Variants in CLEC16A observed in about 807,000 individuals in gnomAD.
The protein encoded by CLEC16A is protein CLEC16A.
A neutral mutation model predicts 109.5 loss-of-function variants in CLEC16A; 51 were observed. The ratio of observed to expected loss-of-function variants is 0.47; its 90% CI spans 0.37 to 0.59. The LOEUF is 0.59. Ranked by LOEUF, CLEC16A falls within the 20% of genes least tolerant of loss-of-function variation. The pLI, the probability that CLEC16A is intolerant of heterozygous loss-of-function variation, is 0.00. For missense variants in CLEC16A, 1,339 were observed against 1,394.0 expected (o/e 0.96, Z 0.63); for synonymous variants, 673 against 564.2 (o/e 1.19, Z -2.73).
chr16:11,161,311 T>C (rs940429378), intron 22 of CLEC16A, among the ~76,000 whole-genome samples: 1 of 152,006 alleles, frequency 6.6e-6, no homozygotes, highest in East Asian at 1.9e-4. Flanking sequence ...GGGGAGAGAA[T>C]AGTTAACCCT....
At chr16:11,053,681 G>T (rs751819445) in intron 18 of CLEC16A, among the ~76,000 whole-genome samples, 15 of 152,298 alleles carry the variant, frequency 9.8e-5, no homozygotes, top group Non-Finnish European at 1.9e-4. Context: ...CACAGGGGAA[G>T]AAATTGATGC....
chr16:11,021,850 T>A (rs905630774), intron 12 of CLEC16A, among the ~76,000 whole-genome samples: 6 of 152,118 alleles, frequency 3.9e-5, no homozygotes, highest in African/African-American at 1.4e-4. Context: ...TTCAGTTCCT[T>A]AGGGTTTGAT....
rs184979458 is a variant in CLEC16A, at chr16:11,168,155, A to G, written c.2806+1603A>G. 1.3e-3 allele frequency among the ~76,000 whole-genome samples: 193 copies of G among 152,316 alleles called. 2 individuals are homozygous for G. The highest frequency in any genetic ancestry group is 4.3e-3 in the African/African-American group (179 of 41,574). ...AAAATGATCAAAAATGGGCTTCTGT[A>G]TATGGATGTCTACCTGAATGTGACC... On this transcript the variant is annotated intron_variant, in intron 23 of 23. Transcript: ENST00000409790.
chr16:11,044,095 A>G (rs2047500068), intron 16 of CLEC16A, 23 bp downstream of exon 16: 3 of 1,598,272 alleles, frequency 1.9e-6, no homozygotes, highest in Non-Finnish European at 2.6e-6. Flanking sequence ...GCACAGATGG[A>G]CAGCAGCATG....
chr16:10,957,483 C>T (rs1049061247), intron 1 of CLEC16A, among the ~76,000 whole-genome samples: 8 of 152,222 alleles, frequency 5.3e-5, no homozygotes, highest in Admixed American at 2.0e-4. Context: ...CAGGAGCCCC[C>T]ACTTGATTCA....
intron 19 of CLEC16A, among the ~76,000 whole-genome samples, chr16:11,075,787 T>A (rs995970286): frequency 6.6e-6 from 1 of 151,972 alleles, no homozygotes; most frequent in Non-Finnish European, 1.5e-5. Flanking sequence ...GAGGATGAGA[T>A]GTCAGGAGGA....
intron 19 of CLEC16A, among the ~76,000 whole-genome samples, chr16:11,114,178 T>TGTGTGTGTGTGTGTG (rs1567337380): frequency 6.9e-5 from 10 of 145,316 alleles, no homozygotes; most frequent in Non-Finnish European, 9.1e-5. Context: ...TGTGTGTGTG[T>TGTGTGTGTGTGTGTG]TTATTGGCAA....
chr16:11,180,768 G>A lies in CLEC16A; in HGVS notation c.*2078G>A, dbSNP rs200936079. 1 of 152,406 alleles carries A rather than the reference G, an allele frequency of 6.6e-6. No individual in the cohort carries two copies. The highest frequency in any genetic ancestry group is 1.5e-5 in the Non-Finnish European group (1 of 68,188). The allele number at this position is 152,406 out of a possible 1,614,324, so 9.4% of individuals were successfully genotyped here. On this transcript the variant is annotated 3_prime_UTR_variant, in exon 24 of 24. Transcript: ENST00000409790. ...CCTGCAGCTCACTCCATGCCACACG[G>A]GTGGGCCACCAGCCTGCTGTCAGAA...
At chr16:11,092,508 C>T (rs184611221) in intron 19 of CLEC16A, among the ~76,000 whole-genome samples, 19 of 152,242 alleles carry the variant, frequency 1.2e-4, no homozygotes, top group African/African-American at 4.3e-4. Flanking sequence ...CATACCACTG[C>T]ACTCCAGCCT....
intron 19 of CLEC16A, among the ~76,000 whole-genome samples, chr16:11,115,241 T>G (rs942211778): frequency 6.9e-6 from 1 of 144,562 alleles, no homozygotes; most frequent in South Asian, 2.2e-4. Flanking sequence ...CTGTGTAGAG[T>G]GAGGAAAGGG....
chr16:11,120,655 T>A lies in CLEC16A; in HGVS notation c.2157T>A (p.Asp719Glu), dbSNP rs1320638595. 6.2e-7 allele frequency: 1 copy of A among 1,613,228 alleles called. No individual in the cohort carries two copies. The highest frequency in any genetic ancestry group is 1.3e-5 in the African/African-American group (1 of 74,896). The change falls in exon 20 of 24, where the codon GAT becomes GAA. Residue 719 changes from aspartate (D) to glutamate (E), a missense_variant. Asp to Glu is a conservative substitution (Grantham distance 45). This residue lies in a region of CLEC16A where 1,061 missense variants were observed against 1,006.8 expected (regional missense o/e 1.05). Transcript: ENST00000409790. Reference sequence around the variant, plus strand: ...TTGCATGTACAGTGATCACCAAGGATGGCGGCATGGTCCAGCGATTCCTGG... The same window carrying A: ...TTGCATGTACAGTGATCACCAAGGAAGGCGGCATGGTCCAGCGATTCCTGG... ...DLIACTVITKDGGMVQRFLAV... is the reference protein window; with the variant it reads ...DLIACTVITKEGGMVQRFLAV...
chr16:11,103,161 G>A (rs1399689125), intron 19 of CLEC16A, among the ~76,000 whole-genome samples: 1 of 152,206 alleles, frequency 6.6e-6, no homozygotes, highest in Non-Finnish European at 1.5e-5. Flanking sequence ...GCTAGTGCTG[G>A]GCCCACAAGG....
intron 18 of CLEC16A, 142 bp downstream of exon 18, chr16:11,051,783 C>A (rs2047954573): frequency 2.7e-6 from 3 of 1,102,160 alleles, no homozygotes; most frequent in Middle Eastern, 6.2e-4. Context: ...TACCCATTTG[C>A]CCCCAGGCAT....
chr16:11,039,473 A>C (rs866123909), intron 13 of CLEC16A, among the ~76,000 whole-genome samples: 40 of 152,200 alleles, frequency 2.6e-4, no homozygotes, highest in African/African-American at 8.7e-4. Flanking sequence ...TCATGACAGC[A>C]GTTGCCAAGA....
chr16:11,117,703 A>T lies in CLEC16A; in HGVS notation c.2117-2912A>T, dbSNP rs114715634. On this transcript the variant is annotated intron_variant, in intron 19 of 23. Transcript: ENST00000409790. ...ACCCCCAATTCTCACTTCACTCCTC[A>T]TGGGTAACCACTGTCCACAGTTCGG... Among the ~76,000 whole-genome samples, 1,194 of 152,254 alleles carry T rather than the reference A, an allele frequency of 7.8e-3. 15 individuals are homozygous for T. The highest frequency in any genetic ancestry group is 0.027 in the African/African-American group (1,131 of 41,538).
chr16:11,173,380 G>A (rs2068606973), intron 23 of CLEC16A, among the ~76,000 whole-genome samples: 1 of 152,134 alleles, frequency 6.6e-6, no homozygotes, highest in Non-Finnish European at 1.5e-5. Flanking sequence ...CTCCGAGAGT[G>A]TGGTTTCTCC....
At chr16:11,125,930 C>T (rs200972042) in intron 21 of CLEC16A, 49 bp from the exon 22 acceptor site, 54 of 857,980 alleles carry the variant, frequency 6.3e-5, no homozygotes, top group Admixed American at 2.7e-4. Flanking sequence ...CTCACCACCC[C>T]CCTCTATCCC....
At chr16:11,137,412 A>G (rs556889100) in intron 22 of CLEC16A, among the ~76,000 whole-genome samples, 1 of 151,992 alleles carries the variant, frequency 6.6e-6, no homozygotes, top group Non-Finnish European at 1.5e-5. Context: ...CCCCTGGAAC[A>G]AGGTTTGGGA....
chr16:11,010,396 C>G (rs1234546569), intron 11 of CLEC16A, among the ~76,000 whole-genome samples: 2 of 152,030 alleles, frequency 1.3e-5, no homozygotes, highest in African/African-American at 4.8e-5. Flanking sequence ...TGGTTTTATG[C>G]TTATGGTAAT....
Sources: allele counts gnomAD v4.1 joint callset (sites outside exome capture counted in the v4.1 genomes callset), GRCh38; gene constraint gnomAD v4.1.1; regional missense constraint gnomAD v4.1.1; transcripts MANE v1.5; gene names NCBI Gene and HGNC (gene_info 2026-07-23, HGNC 2026-07-21).